The following EEA1 variants were observed in gnomAD, a reference collection of about 807,000 sequenced individuals.
EEA1 encodes early endosome antigen 1, 162kD.
A neutral mutation model predicts 209.2 loss-of-function variants in EEA1; 111 were observed. The ratio of observed to expected loss-of-function variants is 0.53; its 90% CI spans 0.45 to 0.62. The LOEUF is 0.62. Among genes scored for constraint, EEA1 ranks in the 20% least tolerant of loss-of-function variants. The pLI is 0.00. For synonymous variants in EEA1, 536 were observed against 540.6 expected (o/e 0.99, Z 0.12); for missense variants, 1,343 against 1,530.8 (o/e 0.88, Z 2.05).
At chr12:92,790,292 T>A (rs1337066168) in intron 21 of EEA1, among the ~76,000 whole-genome samples, 1 of 152,206 alleles carries the variant, frequency 6.6e-6, no homozygotes, top group African/African-American at 2.4e-5. Flanking sequence ...TTTGACGAGT[T>A]GACAGATGTA....
intron 10 of EEA1, among the ~76,000 whole-genome samples, chr12:92,840,849 T>C (rs1592730977): frequency 6.6e-6 from 1 of 152,156 alleles, no homozygotes; most frequent in African/African-American, 2.4e-5. Context: ...CCAAAATTCA[T>C]ATACTGAAAC....
chr12:92,796,084 A>G (rs1446390754), intron 21 of EEA1, among the ~76,000 whole-genome samples: 1 of 151,922 alleles, frequency 6.6e-6, no homozygotes, highest in African/African-American at 2.4e-5. Flanking sequence ...AAGAAGTTAA[A>G]TGAAAAAAAA....
chr12:92,875,761 A>C (rs1175289116), intron 2 of EEA1, among the ~76,000 whole-genome samples: 1 of 152,236 alleles, frequency 6.6e-6, no homozygotes, highest in East Asian at 1.9e-4. Flanking sequence ...TACAAGAGGC[A>C]GACCCGATCG....
At chr12:92,825,385 C>T (rs146141018) in intron 13 of EEA1, among the ~76,000 whole-genome samples, 3,623 of 151,108 alleles carry the variant, frequency 0.024, 158 homozygotes, top group African/African-American at 0.083. Flanking sequence ...ACCCAGGAGG[C>T]GGAGCTTGCA....
At chr12:92,834,975 G>A (rs966034754) in intron 10 of EEA1, among the ~76,000 whole-genome samples, 1 of 151,710 alleles carries the variant, frequency 6.6e-6, no homozygotes, top group African/African-American at 2.4e-5. Flanking sequence ...CGCCTCTCGG[G>A]GTTCACGCCA....
intron 2 of EEA1, among the ~76,000 whole-genome samples, chr12:92,869,005 T>TA (rs11378037): frequency 0.61 from 92,371 of 150,244 alleles, 28,916 homozygotes; most frequent in East Asian, 0.91. Flanking sequence ...ATGGGTAGAT[T>TA]AAAAAAAAAA....
chr12:92,831,540 T>C (rs1417881307), intron 11 of EEA1, among the ~76,000 whole-genome samples: 1 of 147,494 alleles, frequency 6.8e-6, no homozygotes, highest in Non-Finnish European at 1.5e-5. Context: ...ATCAATATCA[T>C]GATATGAATA....
intron 18 of EEA1, among the ~76,000 whole-genome samples, chr12:92,803,205 G>GA (rs1875018223): frequency 6.6e-6 from 1 of 151,690 alleles, no homozygotes; most frequent in South Asian, 2.1e-4. Context: ...GGTTAACCCA[G>GA]AAAAAAATCA....
Position 92,775,315 on chromosome 12 carries a change from A to G in EEA1, c.*696T>C, listed in dbSNP as rs1443739553. The G allele has an allele frequency of 1.3e-5, 2 of 151,796 alleles. No individual in the cohort carries two copies. The highest frequency in any genetic ancestry group is 3.0e-5 in the Non-Finnish European group (2 of 67,738). 9.4% of individuals were successfully genotyped at this position (151,796 alleles called of 1,614,324 possible). ...CCTATTCTTTGCAATACAACCCCAG[A>G]TAACTATAAGTAAACAAATTGATTT... On this transcript the variant is annotated 3_prime_UTR_variant, in exon 29 of 29. Coordinates refer to ENST00000322349, the MANE Select transcript of EEA1 (RefSeq NM_003566.4).
chr12:92,927,724 T>C (rs117292215), intron 1 of EEA1, among the ~76,000 whole-genome samples: 5 of 152,232 alleles, frequency 3.3e-5, no homozygotes, highest in East Asian at 1.9e-4. Context: ...AAGTAAATCA[T>C]GCACAGATGT....
chr12:92,858,954 G>T (rs149127198), intron 3 of EEA1: 29 of 698,710 alleles, frequency 4.2e-5, no homozygotes, highest in African/African-American at 3.7e-4. Flanking sequence ...ATTATACTAA[G>T]ATCAACCGTT....
At position 92,801,619 on chromosome 12, in the gene EEA1, G is replaced by T; in HGVS notation, c.2753C>A (p.Ser918Ter). 6.3e-7 allele frequency: 1 copy of T among 1,585,422 alleles called. No homozygotes were observed. The highest frequency in any genetic ancestry group is 8.5e-7 in the Non-Finnish European group (1 of 1,169,776). Residue 918 changes from serine to a stop codon, truncating the protein, a stop_gained, in exon 20 of 29, where the codon TCA (serine) becomes TAA (stop). Transcript: ENST00000322349. LOFTEE classifies it high-confidence loss of function. Reference protein sequence around the residue: ...TLKEQKELKKSLEKEKEASHQ... With the variant: ...TLKEQKELKK ...TCTTACCTCCTTCTCTTTTTCAAGT[G>T]ACTTTTTCAGTTCCTTCTGTTCCTT...
chr12:92,858,274 TC>T lies in EEA1; in HGVS notation c.246-790del, dbSNP rs1191991255. ...GAAACTGTTGCTAAAACTGGAATGA[TC>T]CTTCTTGCACGTGAAATTACATCCA... On this transcript the variant is annotated intron_variant, in intron 3 of 28. Coordinates refer to ENST00000322349, the MANE Select transcript of EEA1 (RefSeq NM_003566.4). 26 of 734,180 alleles carry T rather than the reference TC, an allele frequency of 3.5e-5. No homozygotes were observed. The Admixed American group carries it at 4.5e-4, about 13-fold the overall frequency. 45.5% of individuals were successfully genotyped at this position (734,180 alleles called of 1,614,324 possible).
In EEA1 at chr12:92,872,112, G is replaced by A. The variant is rs1342181730; in HGVS notation, c.118-7125C>T. 4.7e-5 allele frequency among the ~76,000 whole-genome samples: 7 copies of A among 147,982 alleles called. No homozygotes were observed. The East Asian group carries it at 6.1e-4, about 13-fold the overall frequency. ...CGCCCAGGCTGGAGTGCAGTGGCAC[G>A]ATCTTGGCTCACTGCAACCTCCTCC... On this transcript the variant is annotated intron_variant, in intron 2 of 28. Transcript: ENST00000322349.
chr12:92,910,339 C>T (rs1880534198), intron 1 of EEA1, among the ~76,000 whole-genome samples: 1 of 150,270 alleles, frequency 6.7e-6, no homozygotes, highest in South Asian at 2.1e-4. Context: ...CATGGTGGTG[C>T]GCACCTGTAA....
intron 1 of EEA1, among the ~76,000 whole-genome samples, chr12:92,921,887 GAA>G (rs1238072239): frequency 3.2e-5 from 3 of 93,388 alleles, no homozygotes; most frequent in East Asian, 3.0e-4. Flanking sequence ...AAAAAAAAAA[GAA>G]AAAAAGAAAA....
chr12:92,814,590 G>A (rs1875685319), intron 15 of EEA1, among the ~76,000 whole-genome samples: 1 of 143,520 alleles, frequency 7.0e-6, no homozygotes, highest in African/African-American at 2.7e-5. Context: ...ATTTTAGAAA[G>A]GCTTCTGATG....
intron 13 of EEA1, among the ~76,000 whole-genome samples, chr12:92,821,339 C>T (rs897926107): frequency 7.2e-5 from 11 of 152,156 alleles, no homozygotes; most frequent in African/African-American, 2.7e-4. Context: ...TCAGAGACGT[C>T]AATTTCCTTC....
chr12:92,839,847 T>C (rs557754976), intron 10 of EEA1, among the ~76,000 whole-genome samples: 263 of 152,302 alleles, frequency 1.7e-3, no homozygotes, highest in Non-Finnish European at 3.1e-3. Flanking sequence ...TGAAACTTCA[T>C]GGCAGCAAAT....
Sources: gnomAD v4.1 joint callset for allele counts (sites outside exome capture counted in the v4.1 genomes callset) on GRCh38, gnomAD v4.1.1 for gene constraint, MANE v1.5 for transcripts, NCBI Gene and HGNC (gene_info 2026-07-23, HGNC 2026-07-21) for gene names.